Variants in BIRC6 observed in about 807,000 individuals in gnomAD.
The protein encoded by BIRC6 is baculoviral IAP repeat containing 6.
Under a neutral mutation model 503.3 loss-of-function variants are expected in BIRC6, and 98 were observed. The observed-to-expected ratio is 0.19, with a 90% confidence interval of 0.17 to 0.23. BIRC6 has a LOEUF of 0.23. BIRC6 is among the 10% of genes least tolerant of loss of function. BIRC6 has a pLI of 1.00. For missense variants in BIRC6, 5,360 were observed against 5,806.0 expected (o/e 0.92, Z 2.50); for synonymous variants, 2,240 against 2,078.7 (o/e 1.08, Z -2.11).
chr2:32,539,248 C>A (rs1380055912), intron 61 of BIRC6, among the ~76,000 whole-genome samples: 3 of 152,130 alleles, frequency 2.0e-5, no homozygotes, highest in African/African-American at 7.2e-5. Flanking sequence ...TTAGATAAAT[C>A]TACATTTCAG....
intron 10 of BIRC6, among the ~76,000 whole-genome samples, chr2:32,425,437 T>C (rs2043377130): frequency 5.9e-5 from 9 of 151,526 alleles, no homozygotes; most frequent in Admixed American, 5.9e-4. Context: ...GGTAATTCTT[T>C]TTTTTTTTTT....
chr2:32,508,110 T>G lies in BIRC6; in HGVS notation c.9831T>G (p.Ala3277=), dbSNP rs753215898. Residue 3277 remains alanine, a synonymous_variant, in exon 51 of 74, where the codon GCT becomes GCG. Coordinates refer to ENST00000421745, the MANE Select transcript of BIRC6 (RefSeq NM_016252.4). ...TTGTAAAAGCCGAAGTAGCTTCTGC[T>G]GTCTGCCTTAGACTACATCGTCCAC... ...IQLVKAEVAS[A]VCLRLHRPRD... 1.9e-6 allele frequency: 3 copies of G among 1,613,938 alleles called. No individual in the cohort carries two copies. The highest frequency in any genetic ancestry group is 1.7e-5 in the Admixed American group (1 of 60,000).
chr2:32,499,507 C>T lies in BIRC6; in HGVS notation c.8469-40C>T, dbSNP rs138956464. ...ATCCTTTCTCTTGTTGTATCTCTCT[C>T]TCTCTCTCTTTTTCTGTCTCTCTCT... On this transcript the variant is annotated intron_variant, in intron 45 of 73. Transcript: ENST00000421745. 16 of 1,466,602 alleles carry T rather than the reference C, an allele frequency of 1.1e-5. 1 individual carries two copies. The South Asian group carries it at 2.1e-4, about 19-fold the overall frequency. The allele number at this position is 1,466,602 out of a possible 1,614,324, so 90.8% of individuals were successfully genotyped here.
intron 66 of BIRC6, among the ~76,000 whole-genome samples, chr2:32,578,979 A>ATATATATATATATATAT (rs1424095222): frequency 4.0e-5 from 3 of 74,314 alleles, no homozygotes; most frequent in African/African-American, 1.8e-4. Flanking sequence ...TTATATACCT[A>ATATATATATATATATAT]ATATATATAT....
intron 3 of BIRC6, among the ~76,000 whole-genome samples, chr2:32,386,557 C>T (rs915384349): frequency 6.6e-6 from 1 of 151,900 alleles, no homozygotes; most frequent in Non-Finnish European, 1.5e-5. Flanking sequence ...GATTTTCCCA[C>T]CTCAAGGCTT....
At position 32,447,156 on chromosome 2, in the gene BIRC6, C is replaced by A. The variant is rs866135197; in HGVS notation, c.4484+1488C>A. Among the ~76,000 whole-genome samples the A allele has an allele frequency of 4.8e-3, 718 of 150,368 alleles. 5 individuals carry two copies. Among genetic ancestry groups the A allele is most frequent in the African/African-American group, 0.017 (695 of 40,752 alleles). ...AAAAGTCTCCCATGTCTACCTCTAT[C>A]CACACAGACCCGGCAACCATCCGAT... On this transcript the variant is annotated intron_variant, in intron 21 of 73. Coordinates refer to ENST00000421745, the MANE Select transcript of BIRC6 (RefSeq NM_016252.4).
intron 58 of BIRC6, 116 bp from the exon 59 acceptor site, chr2:32,525,348 T>A: frequency 9.0e-7 from 1 of 1,109,580 alleles, no homozygotes; most frequent in East Asian, 2.5e-5. Context: ...GAAGGAACAT[T>A]TCTGTTTTCT....
chr2:32,416,626 A>G (rs948569139), intron 10 of BIRC6, among the ~76,000 whole-genome samples: 1 of 152,076 alleles, frequency 6.6e-6, no homozygotes, highest in African/African-American at 2.4e-5. Flanking sequence ...CTTAGCAAAC[A>G]ATTTTTAGTT....
At chr2:32,607,717 C>A in intron 72 of BIRC6, 74 bp downstream of exon 72, 1 of 1,300,406 alleles carries the variant, frequency 7.7e-7, no homozygotes, top group Non-Finnish European at 1.0e-6. Flanking sequence ...GTGGCTCATG[C>A]CTGTAATCTC....
At chr2:32,517,772 A>AG (rs11455803) in intron 55 of BIRC6, among the ~76,000 whole-genome samples, 152,237 of 152,242 alleles carry the variant, frequency 1, 76,116 homozygotes, top group Middle Eastern at 1. Flanking sequence ...GGGTAGAGAC[A>AG]GGTTTCACCA....
chr2:32,445,864 T>C (rs907601038), intron 21 of BIRC6, among the ~76,000 whole-genome samples, 196 bp downstream of exon 21: 1 of 152,150 alleles, frequency 6.6e-6, no homozygotes, highest in Admixed American at 6.5e-5. Context: ...TTACTCTTTT[T>C]TTTTTTTATC....
intron 21 of BIRC6, among the ~76,000 whole-genome samples, chr2:32,446,738 GTTTTTT>G (rs58232090): frequency 0.025 from 867 of 34,938 alleles, 4 homozygotes; most frequent in Middle Eastern, 0.045. Flanking sequence ...CCTCTGCGCT[GTTTTTT>G]TTTTTTTTTT....
chr2:32,578,092 A>T (rs1246331730), intron 66 of BIRC6, among the ~76,000 whole-genome samples: 1 of 152,140 alleles, frequency 6.6e-6, no homozygotes, highest in Non-Finnish European at 1.5e-5. Context: ...GTCTCTGCTA[A>T]TCTGTGCAGC....
intron 6 of BIRC6, among the ~76,000 whole-genome samples, chr2:32,398,103 T>C (rs1041130204): frequency 2.2e-4 from 34 of 152,248 alleles, no homozygotes; most frequent in Middle Eastern, 3.4e-3. Context: ...GGGACTCATA[T>C]TTTGACTGTG....
chr2:32,534,067 ACTGT>A (rs1233826998), intron 61 of BIRC6, among the ~76,000 whole-genome samples: 1 of 152,134 alleles, frequency 6.6e-6, no homozygotes, highest in Non-Finnish European at 1.5e-5. Flanking sequence ...AATAAGAGAC[ACTGT>A]CTGGGCATGG....
At position 32,481,379 on chromosome 2, in the gene BIRC6, G is replaced by A; in HGVS notation, c.7468G>A (p.Asp2490Asn). ...DKEIDLELLQ[D>N]LMEVDIDPLD... ...AGAAATTGACCTTGAGTTACTTCAG[G>A]ATCTAATGGAAGTTGACATTGATCC... Residue 2490 changes from aspartate to asparagine, a missense_variant, in exon 38 of 74, where the codon GAT becomes AAT. Physicochemically the swap from Asp to Asn is conservative, Grantham distance 23. Coordinates refer to ENST00000421745, the MANE Select transcript of BIRC6 (RefSeq NM_016252.4). The A allele has an allele frequency of 6.2e-7, 1 of 1,611,590 alleles. No homozygotes were observed. The highest frequency in any genetic ancestry group is 2.2e-5 in the East Asian group (1 of 44,764).
intron 21 of BIRC6, among the ~76,000 whole-genome samples, chr2:32,447,198 C>A (rs1276960477): frequency 6.7e-6 from 1 of 149,578 alleles, no homozygotes; most frequent in East Asian, 2.0e-4. Context: ...ATTTTTTCCC[C>A]ACCCTTCCCG....
chr2:32,458,526 A>G (rs2047484992), intron 23 of BIRC6, among the ~76,000 whole-genome samples: 3 of 151,008 alleles, frequency 2.0e-5, no homozygotes, highest in Admixed American at 1.3e-4. Flanking sequence ...TTTTTTTTAT[A>G]CTTGTTCTAT....
At chr2:32,517,740 A>T (rs1224445860) in intron 55 of BIRC6, among the ~76,000 whole-genome samples, 3 of 126,358 alleles carry the variant, frequency 2.4e-5, no homozygotes, top group Non-Finnish European at 4.9e-5. Context: ...TGCCCAGCTT[A>T]TTTTTTTTTG....
Sources: gnomAD v4.1 joint callset for allele counts (sites outside exome capture counted in the v4.1 genomes callset) on GRCh38, gnomAD v4.1.1 for gene constraint, MANE v1.5 for transcripts, NCBI Gene and HGNC (gene_info 2026-07-23, HGNC 2026-07-21) for gene names.